SIM2: variants seen among roughly 807,000 people sequenced by gnomAD.
SIM2 encodes the protein single-minded homolog 2.
SIM2 carries 28 observed loss-of-function variants against 64.8 expected under a neutral mutation model. That is an observed-to-expected ratio of 0.43 (90% CI 0.32 to 0.59). The LOEUF (loss-of-function observed/expected upper bound fraction) is 0.59. SIM2 is among the 20% of genes least tolerant of loss of function. The pLI, the probability that SIM2 is intolerant of heterozygous loss-of-function variation, is 0.07. For missense variants in SIM2, 847 were observed against 871.4 expected (o/e 0.97, Z 0.35); for synonymous variants, 408 against 391.1 (o/e 1.04, Z -0.51).
chr21:36,720,896 C>T (rs1264255979), intron 4 of SIM2, among the ~76,000 whole-genome samples: 1 of 152,194 alleles, frequency 6.6e-6, no homozygotes, highest in Non-Finnish European at 1.5e-5. Context: ...TGGACTATGG[C>T]ACCCAGCTTG....
At chr21:36,730,369 C>T (rs1209756574) in intron 6 of SIM2, among the ~76,000 whole-genome samples, 2 of 152,186 alleles carry the variant, frequency 1.3e-5, no homozygotes, top group South Asian at 4.1e-4. Flanking sequence ...TGAAAGAAGC[C>T]ACACACCAAA....
At chr21:36,701,765 G>A (rs1373662317) in intron 1 of SIM2, among the ~76,000 whole-genome samples, 2 of 152,246 alleles carry the variant, frequency 1.3e-5, no homozygotes, top group African/African-American at 2.4e-5. Context: ...ATGTTTTAGG[G>A]GAAATTAAAA....
intron 7 of SIM2, among the ~76,000 whole-genome samples, chr21:36,737,536 T>C (rs747309475): frequency 6.6e-6 from 1 of 152,216 alleles, no homozygotes; most frequent in Non-Finnish European, 1.5e-5. Context: ...ACAGTTTGTG[T>C]CATGGGACAC....
rs1601688226 is a variant in SIM2 at position 36,709,383 on chromosome 21, T to G, written c.258+133T>G. The G allele has an allele frequency of 3.9e-6, 3 of 764,006 alleles. No individual in the cohort carries two copies. The East Asian group carries it at 8.0e-5, about 20-fold the overall frequency. The allele number at this position is 764,006 out of a possible 1,614,324, so 47.3% of individuals were successfully genotyped here. A position where few individuals can be genotyped will look rare whatever the true frequency, so the allele number is the denominator to read the frequency against. ...AGGCTGCCGGGGGCTGGGGATGGGG[T>G]GGTCCCCACTGCGGAGGGATGGACG... On this transcript the variant is annotated intron_variant, in intron 2 of 10. Transcript: ENST00000290399.
rs977963332 is a variant in SIM2, at chr21:36,723,184, T to C, written c.543+54T>C. The C allele has an allele frequency of 2.1e-5, 30 of 1,429,534 alleles. No homozygotes were observed. The African/African-American group carries it at 4.1e-4, about 19-fold the overall frequency. The allele number at this position is 1,429,534 out of a possible 1,614,324, so 88.6% of individuals were successfully genotyped here. On this transcript the variant is annotated intron_variant, in intron 5 of 10. Transcript: ENST00000290399. Reference sequence around the variant, plus strand: ...GCTGGCTAAGGGTCTTCAATGTGTGTTTTCAAGAGCGTCTGCAGAAAGGAA... The same window carrying C: ...GCTGGCTAAGGGTCTTCAATGTGTGCTTTCAAGAGCGTCTGCAGAAAGGAA...
intron 3 of SIM2, among the ~76,000 whole-genome samples, chr21:36,713,669 C>T (rs1336496442): frequency 2.6e-5 from 4 of 152,180 alleles, no homozygotes; most frequent in African/African-American, 7.2e-5. Context: ...CTTCAGTTTG[C>T]TCATTGAAAA....
At chr21:36,743,359 C>A in intron 8 of SIM2, 28 bp from the exon 9 acceptor site, 2 of 1,594,426 alleles carry the variant, frequency 1.3e-6, no homozygotes, top group Admixed American at 1.8e-5. Flanking sequence ...GCCTGCTGGA[C>A]ATGACTCGGC....
intron 8 of SIM2, 53 bp from the exon 9 acceptor site, chr21:36,743,334 T>C (rs1323486616): frequency 1.9e-6 from 3 of 1,539,204 alleles, no homozygotes. Flanking sequence ...CCAGGGAAGC[T>C]GCTCGGCCTC....
chr21:36,718,744 T>A (rs2088779524), intron 3 of SIM2, among the ~76,000 whole-genome samples: 1 of 152,162 alleles, frequency 6.6e-6, no homozygotes, highest in Non-Finnish European at 1.5e-5. Flanking sequence ...CCCTCAGCAC[T>A]ATTGATTATA....
chr21:36,744,295 G>A (rs1325593812), intron 9 of SIM2, among the ~76,000 whole-genome samples: 4 of 135,050 alleles, frequency 3.0e-5, no homozygotes, highest in Non-Finnish European at 3.1e-5. Context: ...TGAACGTCAC[G>A]GCCTCCACAT....
rs888376496 is a variant in SIM2 at position 36,745,375 on chromosome 21, G to A, written c.1576+239G>A. 5 of 1,394,562 alleles carry A rather than the reference G, an allele frequency of 3.6e-6. No homozygotes were observed. In the African/African-American group the frequency reaches 5.8e-5, roughly 16 times the overall value. 86.4% of individuals were successfully genotyped at this position (1,394,562 alleles called of 1,614,324 possible). ...ACTAGTGACAGTATAAAGGGCAAAG[G>A]AAAACCGAGTATCTGGCCTTCACGT... On this transcript the variant is annotated intron_variant, in intron 10 of 10. Coordinates refer to ENST00000290399, the MANE Select transcript of SIM2 (RefSeq NM_005069.6). This position sits in a 1 kb window ranked among gnomAD's most constrained non-coding sequence, Gnocchi z 4.8.
intron 4 of SIM2, 130 bp downstream of exon 4, chr21:36,720,059 T>C (rs560784233): frequency 3.0e-6 from 2 of 655,788 alleles, no homozygotes; most frequent in African/African-American, 1.8e-5. Flanking sequence ...CCCAGGTCTC[T>C]CCAATACACA....
At chr21:36,731,232 C>G in intron 7 of SIM2, 81 bp downstream of exon 7, 1 of 970,244 alleles carries the variant, frequency 1.0e-6, no homozygotes, top group Non-Finnish European at 1.6e-6. Context: ...GGACGTGTCC[C>G]TTTTGTTGGT....
chr21:36,705,962 C>A (rs1311209616), intron 1 of SIM2, among the ~76,000 whole-genome samples: 2 of 152,226 alleles, frequency 1.3e-5, no homozygotes, highest in Non-Finnish European at 2.9e-5. Context: ...CAGAGGAAGG[C>A]GCGAAGCTGG....
At chr21:36,723,398 T>C (rs746513155) in intron 5 of SIM2, among the ~76,000 whole-genome samples, 7 of 152,262 alleles carry the variant, frequency 4.6e-5, no homozygotes, top group Non-Finnish European at 8.8e-5. Flanking sequence ...GCACTTTCCA[T>C]GTGGACCAGT....
intron 1 of SIM2, chr21:36,701,554 C>A (rs1360028817): frequency 6.6e-6 from 1 of 152,282 alleles, no homozygotes; most frequent in East Asian, 1.9e-4. Flanking sequence ...CCCGGCCCTA[C>A]CGCGCGGCCG....
At chr21:36,708,593 G>C (rs542011512) in intron 1 of SIM2, among the ~76,000 whole-genome samples, 1 of 152,208 alleles carries the variant, frequency 6.6e-6, no homozygotes, top group Admixed American at 6.5e-5. Flanking sequence ...GACCGCGCTC[G>C]TGGGGCGCCT....
At chr21:36,723,683 G>T (rs2123459067) in intron 5 of SIM2, among the ~76,000 whole-genome samples, 1 of 152,346 alleles carries the variant, frequency 6.6e-6, no homozygotes, top group South Asian at 2.1e-4. Context: ...TCTAGTCAAG[G>T]ACCAGAGGAG....
chr21:36,704,176 G>A (rs1479371211), intron 1 of SIM2, among the ~76,000 whole-genome samples: 1 of 152,176 alleles, frequency 6.6e-6, no homozygotes, highest in East Asian at 1.9e-4. Flanking sequence ...AGCTGCAGGT[G>A]CCCCCATCAC....
Sources: gnomAD v4.1 joint callset for allele counts (sites outside exome capture counted in the v4.1 genomes callset) on GRCh38, gnomAD v4.1.1 for gene constraint, Gnocchi (gnomAD v3.1) non-coding constraint, MANE v1.5 for transcripts, NCBI Gene and HGNC (gene_info 2026-07-23, HGNC 2026-07-21) for gene names.